ARHGAP31: variants seen among roughly 807,000 people sequenced by gnomAD.
ARHGAP31 encodes rho GTPase-activating protein 31.
ARHGAP31 carries 34 observed loss-of-function variants against 113.9 expected under a neutral mutation model. The ratio of observed to expected loss-of-function variants is 0.30; its 90% CI spans 0.23 to 0.40. The LOEUF (loss-of-function observed/expected upper bound fraction) is 0.40, where lower values mean the gene tolerates loss of function less well. ARHGAP31 is among the 10% of genes least tolerant of loss of function. The probability of loss-of-function intolerance (pLI) is 1.00; values close to 1 mark genes in which losing one functional copy is unlikely to be tolerated. For missense variants in ARHGAP31, 1,548 were observed against 1,767.1 expected (o/e 0.88, Z 2.22); for synonymous variants, 650 against 684.8 (o/e 0.95, Z 0.79).
intron 1 of ARHGAP31, among the ~76,000 whole-genome samples, chr3:119,355,266 T>C (rs2080145016): frequency 6.6e-6 from 1 of 152,226 alleles, no homozygotes; most frequent in Non-Finnish European, 1.5e-5. Context: ...GGAGATCATT[T>C]TGTCTGTTTC....
At chr3:119,336,805 C>G (rs997407792) in intron 1 of ARHGAP31, among the ~76,000 whole-genome samples, 1 of 152,194 alleles carries the variant, frequency 6.6e-6, no homozygotes, top group Non-Finnish European at 1.5e-5. Context: ...TAGCCATTTC[C>G]CATTGCCCCA....
intron 1 of ARHGAP31, among the ~76,000 whole-genome samples, chr3:119,311,805 T>G (rs1324360246): frequency 6.6e-6 from 1 of 152,208 alleles, no homozygotes; most frequent in Non-Finnish European, 1.5e-5. Context: ...TGGACGTATC[T>G]TCAACTGATT....
chr3:119,368,591 T>C lies in ARHGAP31; in HGVS notation c.348+75T>C. Reference sequence around the variant, plus strand: ...GCCAAGAAGAGTTTCAGCACTAAAATAACAATAATAACACTCACCAGATGG... The same window carrying C: ...GCCAAGAAGAGTTTCAGCACTAAAACAACAATAATAACACTCACCAGATGG... On this transcript the variant is annotated intron_variant, in intron 3 of 11. Transcript: ENST00000264245. 5.9e-6 allele frequency: 9 copies of C among 1,529,628 alleles called. No homozygotes were observed. The South Asian group carries it at 1.0e-4, about 17-fold the overall frequency. The allele number at this position is 1,529,628 out of a possible 1,614,324, so 94.8% of individuals were successfully genotyped here.
rs771003673 is a variant in ARHGAP31, at chr3:119,402,207, C to T, written c.1455C>T (p.Asn485=). 16 of 1,614,298 alleles carry T rather than the reference C, an allele frequency of 9.9e-6. No individual in the cohort carries two copies. The highest frequency in any genetic ancestry group is 1.4e-5 in the Non-Finnish European group (16 of 1,180,058). The change falls in exon 10 of 12, where the codon AAC becomes AAT. Residue 485 remains asparagine, a synonymous_variant. Transcript: ENST00000264245. ...PSPRNQRKAL[N]ISEPFAVSVP... is the part of the protein sequence containing the mutation. ...CGCGTAACCAGCGCAAGGCGCTGAA[C>T]ATCTCCGAGCCCTTTGCGGTATCTG...
At chr3:119,358,869 T>C (rs1007679620) in intron 1 of ARHGAP31, among the ~76,000 whole-genome samples, 1 of 152,192 alleles carries the variant, frequency 6.6e-6, no homozygotes, top group Non-Finnish European at 1.5e-5. Context: ...TACTAATGGA[T>C]ATGGGTTCCT....
chr3:119,361,089 C>G (rs1282008346), intron 1 of ARHGAP31, among the ~76,000 whole-genome samples: 4 of 152,122 alleles, frequency 2.6e-5, no homozygotes, highest in Non-Finnish European at 5.9e-5. Context: ...CTGATAGGAC[C>G]CCTGGGACAA....
chr3:119,331,925 C>G (rs2079894885), intron 1 of ARHGAP31, among the ~76,000 whole-genome samples: 1 of 152,138 alleles, frequency 6.6e-6, no homozygotes, highest in Non-Finnish European at 1.5e-5. Context: ...GGCCCATTCC[C>G]TTAGGTGAAG....
chr3:119,321,806 G>A (rs1459724466), intron 1 of ARHGAP31, among the ~76,000 whole-genome samples: 1 of 152,036 alleles, frequency 6.6e-6, no homozygotes, highest in Non-Finnish European at 1.5e-5. Flanking sequence ...ACACCACCAC[G>A]CCCAGCTAAC....
At chr3:119,322,397 C>T (rs1444481394) in intron 1 of ARHGAP31, among the ~76,000 whole-genome samples, 1 of 152,198 alleles carries the variant, frequency 6.6e-6, no homozygotes, top group Non-Finnish European at 1.5e-5. Context: ...GTTTTTAGAG[C>T]CGGGATTTTG....
At chr3:119,374,438 C>A (rs905534178) in intron 3 of ARHGAP31, among the ~76,000 whole-genome samples, 2 of 139,996 alleles carry the variant, frequency 1.4e-5, no homozygotes, top group Non-Finnish European at 3.0e-5. Flanking sequence ...GAACCATGAA[C>A]CAATTCAACC....
chr3:119,388,542 G>A (rs1427902657), intron 6 of ARHGAP31, among the ~76,000 whole-genome samples: 2 of 152,014 alleles, frequency 1.3e-5, no homozygotes, highest in Admixed American at 6.6e-5. Context: ...TGGAAGCGGG[G>A]AGACCAGTTA....
intron 6 of ARHGAP31, among the ~76,000 whole-genome samples, chr3:119,388,732 C>A (rs929993763): frequency 1.4e-4 from 21 of 152,092 alleles, no homozygotes; most frequent in African/African-American, 4.8e-4. Context: ...GAAATAACAA[C>A]CCCAGGCTTT....
chr3:119,351,968 A>T (rs2080114536), intron 1 of ARHGAP31, among the ~76,000 whole-genome samples: 1 of 152,188 alleles, frequency 6.6e-6, no homozygotes, highest in Non-Finnish European at 1.5e-5. Context: ...GTTGCCTAGG[A>T]ATGTGCTGGG....
chr3:119,356,628 C>CT (rs1245852654), intron 1 of ARHGAP31, among the ~76,000 whole-genome samples: 1 of 147,122 alleles, frequency 6.8e-6, no homozygotes, highest in Non-Finnish European at 1.5e-5. Context: ...AAGACTCTGT[C>CT]TCAAAAAAAA....
chr3:119,353,121 C>T (rs776177493), intron 1 of ARHGAP31, among the ~76,000 whole-genome samples: 5 of 152,258 alleles, frequency 3.3e-5, no homozygotes, highest in South Asian at 2.1e-4. Flanking sequence ...GCACCAGTGT[C>T]AGAGTTCTTA....
intron 1 of ARHGAP31, among the ~76,000 whole-genome samples, chr3:119,348,257 A>C (rs59601138): frequency 0.18 from 27,995 of 152,246 alleles, 3,682 homozygotes; most frequent in African/African-American, 0.37. Context: ...TTTACATTAC[A>C]TATTACAATG....
In ARHGAP31 at chr3:119,365,456, G is replaced by T. The variant is rs763806829; in HGVS notation, c.203+38G>T. 5.8e-6 allele frequency: 9 copies of T among 1,547,618 alleles called. No homozygotes were observed. The East Asian group carries it at 2.0e-4, about 35-fold the overall frequency. ...AATAGCCCTAAAAGAATTCTCCCAT[G>T]ATTCCTCCTGTGTCCATGCCTCTGT... On this transcript the variant is annotated intron_variant, in intron 2 of 11. Coordinates refer to ENST00000264245, the MANE Select transcript of ARHGAP31 (RefSeq NM_020754.4).
intron 7 of ARHGAP31, among the ~76,000 whole-genome samples, chr3:119,392,041 C>A (rs1378035244): frequency 1.3e-5 from 2 of 152,124 alleles, no homozygotes; most frequent in Non-Finnish European, 2.9e-5. Flanking sequence ...GTGCACCATA[C>A]CCAAAGGTAC....
At chr3:119,322,962 G>A (rs1278934254) in intron 1 of ARHGAP31, among the ~76,000 whole-genome samples, 1 of 152,198 alleles carries the variant, frequency 6.6e-6, no homozygotes, top group Admixed American at 6.5e-5. Flanking sequence ...CCGCCCCGCA[G>A]TAGGGAACGG....
Sources: gnomAD v4.1 joint callset for allele counts (sites outside exome capture counted in the v4.1 genomes callset) on GRCh38, gnomAD v4.1.1 for gene constraint, MANE v1.5 for transcripts, NCBI Gene and HGNC (gene_info 2026-07-23, HGNC 2026-07-21) for gene names.